Variants in ASTN2 observed in about 807,000 individuals in gnomAD.
ASTN2 encodes astrotactin 2.
A neutral mutation model predicts 139.8 loss-of-function variants in ASTN2; 54 were observed. The observed-to-expected ratio is 0.39, with a 90% CI of 0.31 to 0.48. ASTN2 has a LOEUF of 0.48. Ranked by LOEUF, ASTN2 falls within the 20% of genes least tolerant of loss-of-function variation. The probability of loss-of-function intolerance (pLI) is 0.95; values close to 1 mark genes in which losing one functional copy is unlikely to be tolerated. For synonymous variants in ASTN2, 756 were observed against 719.5 expected (o/e 1.05, Z -0.81); for missense variants, 1,565 against 1,725.1 (o/e 0.91, Z 1.64).
intron 3 of ASTN2, among the ~76,000 whole-genome samples, chr9:117,196,880 G>C (rs1831522732): frequency 6.6e-6 from 1 of 152,154 alleles, no homozygotes; most frequent in African/African-American, 2.4e-5. Flanking sequence ...TGTTTGTGTA[G>C]ATCTGTGTAG....
At chr9:116,442,094 G>A (rs1402847689) in intron 21 of ASTN2, among the ~76,000 whole-genome samples, 1 of 152,126 alleles carries the variant, frequency 6.6e-6, no homozygotes, top group Non-Finnish European at 1.5e-5. Flanking sequence ...CTCTAGCAAC[G>A]ACAAGTGGGA....
intron 13 of ASTN2, among the ~76,000 whole-genome samples, chr9:116,789,430 A>G (rs1830472698): frequency 6.6e-6 from 1 of 152,220 alleles, no homozygotes; most frequent in Non-Finnish European, 1.5e-5. Flanking sequence ...GCAACATAAA[A>G]AAATAAATGC....
Position 117,150,630 on chromosome 9 carries a change from C to T in ASTN2, c.1016-9152G>A, listed in dbSNP as rs895237209. On this transcript the variant is annotated intron_variant, in intron 3 of 22. Transcript: ENST00000313400. ...ACTGTTAAAATGAGGCTTGCAATTC[C>T]AAATCTAATAAGCTGGTTTAGGATT... is the stretch of plus-strand genomic sequence containing the variant. Among the ~76,000 whole-genome samples the T allele has an allele frequency of 3.3e-5, 5 of 152,246 alleles. No homozygotes were observed. In the South Asian group the frequency reaches 6.2e-4, roughly 19 times the overall value.
intron 16 of ASTN2, among the ~76,000 whole-genome samples, chr9:116,662,545 C>T (rs1858625451): frequency 6.6e-6 from 1 of 151,998 alleles, no homozygotes; most frequent in African/African-American, 2.4e-5. Flanking sequence ...TGCACTCCAG[C>T]CTGGGCAACG....
In ASTN2 at chr9:117,250,226, G is replaced by T. The variant is rs141346787; in HGVS notation, c.631-35484C>A. On this transcript the variant is annotated intron_variant, in intron 2 of 22. Coordinates refer to ENST00000313400, the MANE Select transcript of ASTN2 (RefSeq NM_001365068.1). ...GAATGTGCTAGGCATCAGAAGACTGGGTTTGAGTGCTGGTCCAATTCTTTT... is the reference window on the plus strand; with the variant it reads ...GAATGTGCTAGGCATCAGAAGACTGTGTTTGAGTGCTGGTCCAATTCTTTT... Among the ~76,000 whole-genome samples, 6 of 152,312 alleles carry T rather than the reference G, an allele frequency of 3.9e-5. No individual in the cohort carries two copies. The South Asian group carries it at 1.0e-3, about 26-fold the overall frequency.
intron 5 of ASTN2, among the ~76,000 whole-genome samples, chr9:117,068,361 CT>C (rs910397534): frequency 3.8e-5 from 2 of 52,994 alleles, no homozygotes; most frequent in African/African-American, 1.5e-4. Flanking sequence ...ATGAAGCCCA[CT>C]TGATCATGGT....
intron 16 of ASTN2, among the ~76,000 whole-genome samples, chr9:116,690,094 C>T (rs1357862452): frequency 6.6e-6 from 1 of 152,124 alleles, no homozygotes; most frequent in African/African-American, 2.4e-5. Context: ...GTGCACATCC[C>T]TAAAAGAAAA....
At chr9:116,586,836 A>ACACACACACACACC in intron 19 of ASTN2, among the ~76,000 whole-genome samples, 1 of 112,764 alleles carries the variant, frequency 8.9e-6, no homozygotes, top group South Asian at 2.7e-4. Context: ...ATACATACAC[A>ACACACACACACACC]CACACACACA....
intron 5 of ASTN2, among the ~76,000 whole-genome samples, chr9:117,040,254 C>T (rs943462208): frequency 7.2e-5 from 11 of 152,096 alleles, no homozygotes; most frequent in Non-Finnish European, 1.0e-4. Context: ...CTTCCCAATT[C>T]GGTTGGTCAT....
chr9:117,384,380 C>T (rs1830344453), intron 1 of ASTN2, among the ~76,000 whole-genome samples: 1 of 152,164 alleles, frequency 6.6e-6, no homozygotes, highest in Non-Finnish European at 1.5e-5. Flanking sequence ...GGTCCTTTTA[C>T]AGTATAACAC....
At chr9:116,644,470 A>G (rs916087024) in intron 17 of ASTN2, among the ~76,000 whole-genome samples, 1 of 152,136 alleles carries the variant, frequency 6.6e-6, no homozygotes, top group Non-Finnish European at 1.5e-5. Flanking sequence ...GAAAGTTACC[A>G]CCACCCATTT....
intron 5 of ASTN2, among the ~76,000 whole-genome samples, chr9:117,092,884 G>T (rs2132747849): frequency 6.6e-6 from 1 of 152,264 alleles, no homozygotes; most frequent in South Asian, 2.1e-4. Flanking sequence ...GCCTGGGGGT[G>T]TAGGGAAGAA....
chr9:117,036,034 T>G (rs1166342073), intron 6 of ASTN2, among the ~76,000 whole-genome samples: 1 of 152,180 alleles, frequency 6.6e-6, no homozygotes, highest in Non-Finnish European at 1.5e-5. Flanking sequence ...TATCACAATG[T>G]TTTAGACACT....
At chr9:116,443,140 A>C (rs1266837249) in intron 20 of ASTN2, among the ~76,000 whole-genome samples, 2 of 152,250 alleles carry the variant, frequency 1.3e-5, no homozygotes, top group African/African-American at 4.8e-5. Context: ...CATGGGGAGT[A>C]TGGGCTTTGG....
chr9:117,172,473 C>T (rs963106211), intron 3 of ASTN2, among the ~76,000 whole-genome samples: 1 of 152,110 alleles, frequency 6.6e-6, no homozygotes, highest in Non-Finnish European at 1.5e-5. Context: ...ATATGCACTG[C>T]ATATACTTTA....
At chr9:117,120,010 GTGTGTGTGTATATA>G (rs1482837610) in intron 4 of ASTN2, among the ~76,000 whole-genome samples, 9 of 33,728 alleles carry the variant, frequency 2.7e-4, no homozygotes, top group Admixed American at 1.8e-3. Context: ...GTGTGTGTGT[GTGTGTGTGTATATA>G]TATATATATA....
At chr9:117,319,633 G>A (rs929540425) in intron 1 of ASTN2, among the ~76,000 whole-genome samples, 24 of 148,848 alleles carry the variant, frequency 1.6e-4, no homozygotes, top group Non-Finnish European at 8.9e-5. Context: ...GGAGGATTTC[G>A]CCATGTTGGC....
chr9:116,701,768 G>T (rs1827815031), intron 16 of ASTN2, among the ~76,000 whole-genome samples: 1 of 151,842 alleles, frequency 6.6e-6, no homozygotes. Flanking sequence ...CCTTTGATGT[G>T]AATATTTTAG....
At chr9:116,924,836 G>A (rs983131577) in intron 10 of ASTN2, among the ~76,000 whole-genome samples, 1 of 152,108 alleles carries the variant, frequency 6.6e-6, no homozygotes, top group African/African-American at 2.4e-5. Context: ...ATCTTGTGCT[G>A]ACCTCCTATC....
Sources: allele counts gnomAD v4.1 joint callset (sites outside exome capture counted in the v4.1 genomes callset), GRCh38; gene constraint gnomAD v4.1.1; transcripts MANE v1.5; gene names NCBI Gene and HGNC (gene_info 2026-07-23, HGNC 2026-07-21).